The following CLNK variants were observed in gnomAD, a reference collection of about 807,000 sequenced individuals.
The protein encoded by CLNK is cytokine-dependent hematopoietic cell linker.
In CLNK, 74 loss-of-function variants were observed where a neutral mutation model predicts 68.6. The ratio of observed to expected loss-of-function variants is 1.08; its 90% confidence interval spans 0.89 to 1.31. CLNK has a LOEUF of 1.31. Ranked by LOEUF, CLNK falls within the 50% of genes most tolerant of loss-of-function variation. CLNK has a pLI of 0.00. For missense variants in CLNK, 553 were observed against 515.3 expected (o/e 1.07, Z -0.71); for synonymous variants, 198 against 172.2 (o/e 1.15, Z -1.17).
intron 3 of CLNK, among the ~76,000 whole-genome samples, chr4:10,585,160 G>A (rs1720924666): frequency 6.6e-6 from 1 of 152,100 alleles, no homozygotes; most frequent in Non-Finnish European, 1.5e-5. Context: ...CTGGAAAATA[G>A]CATGTAGAAG....
At chr4:10,541,879 GTTT>G in intron 10 of CLNK, 140 bp downstream of exon 10, 1 of 554,368 alleles carries the variant, frequency 1.8e-6, no homozygotes. Flanking sequence ...TCTCATATTA[GTTT>G]TTTTTTTTTC....
At chr4:10,565,630 T>C (rs1223406193) in intron 6 of CLNK, among the ~76,000 whole-genome samples, 3 of 152,172 alleles carry the variant, frequency 2.0e-5, no homozygotes, top group Admixed American at 6.5e-5. Flanking sequence ...ATTTAACATT[T>C]CCCATGCTGC....
At chr4:10,533,858 A>G (rs1159856262) in intron 11 of CLNK, among the ~76,000 whole-genome samples, 2 of 152,376 alleles carry the variant, frequency 1.3e-5, no homozygotes, top group East Asian at 3.8e-4. Context: ...AGTGTTTAAG[A>G]TAAATTAAAA....
intron 3 of CLNK, among the ~76,000 whole-genome samples, chr4:10,588,717 T>C (rs1332558887): frequency 6.6e-6 from 1 of 152,210 alleles, no homozygotes; most frequent in Non-Finnish European, 1.5e-5. Flanking sequence ...GATATAAGTA[T>C]ATACTTGTGA....
chr4:10,650,758 C>A (rs1723696784), intron 2 of CLNK, among the ~76,000 whole-genome samples: 2 of 151,866 alleles, frequency 1.3e-5, no homozygotes, highest in Non-Finnish European at 2.9e-5. Context: ...AAAATGCAAT[C>A]CTCAATGGAA....
intron 12 of CLNK, among the ~76,000 whole-genome samples, chr4:10,529,419 A>G (rs535782879): frequency 6.6e-6 from 1 of 152,334 alleles, no homozygotes; most frequent in South Asian, 2.1e-4. Flanking sequence ...CCCTGAGCCC[A>G]GCTCTCCTGA....
the CLNK span, among the ~76,000 whole-genome samples, chr4:10,693,772 AG>A: frequency 5.9e-5 from 9 of 152,214 alleles, no homozygotes; most frequent in Non-Finnish European, 8.8e-5. Context: ...ACACATTTCT[AG>A]TTCCCTATCC....
intron 7 of CLNK, among the ~76,000 whole-genome samples, chr4:10,559,008 A>T (rs1219778267): frequency 6.6e-6 from 1 of 152,100 alleles, no homozygotes; most frequent in African/African-American, 2.4e-5. Context: ...TGAGGACGGG[A>T]CGACAACACG....
Position 10,676,046 on chromosome 4 carries a change from AGTGTGTGTGTGTGT to A in CLNK, c.-42-8149_-42-8136del, listed in dbSNP as rs34091285. ...TATATTTGGAGAAGAGAGCCAGAAG[AGTGTGTGTGTGTGT>A]GTGTGTGTGTGTGTGTGTCTATGTG... On this transcript the variant is annotated intron_variant, in intron 1 of 18. Transcript: ENST00000226951. Among the ~76,000 whole-genome samples, 144 of 148,814 alleles carry A rather than the reference AGTGTGTGTGTGTGT, an allele frequency of 9.7e-4. 1 individual carries two copies. The highest frequency in any genetic ancestry group is 3.3e-3 in the African/African-American group (134 of 40,440).
chr4:10,501,484 A>G, intron 17 of CLNK, 73 bp from the exon 18 acceptor site: 1 of 1,438,108 alleles, frequency 7.0e-7, no homozygotes, highest in Non-Finnish European at 9.5e-7. Context: ...GGCAACAATG[A>G]TGTCTGCATG....
the CLNK span, among the ~76,000 whole-genome samples, chr4:10,699,278 C>CACACCACGTATGTGTGTATACACA: frequency 1.6e-3 from 162 of 101,042 alleles, 17 homozygotes; most frequent in African/African-American, 6.3e-3. Context: ...CACACACACA[C>CACACCACGTATGTGTGTATACACA]CACATACGTG....
chr4:10,561,451 T>A (rs532396212), intron 7 of CLNK, among the ~76,000 whole-genome samples: 4 of 152,240 alleles, frequency 2.6e-5, no homozygotes, highest in Non-Finnish European at 5.9e-5. Flanking sequence ...CTGGCATAGT[T>A]GTTTTTTAAA....
At position 10,537,818 on chromosome 4, in the gene CLNK, T is replaced by G. The variant is rs941006597; in HGVS notation, c.602+2676A>C. ...GTTTGTTCTTTCTTTTCTTTTCTTC[T>G]TCTTTTCCTGTGCTGTGACGGATAT... On this transcript the variant is annotated intron_variant, in intron 11 of 18. Coordinates refer to ENST00000226951, the MANE Select transcript of CLNK (RefSeq NM_052964.4). 4.0e-5 allele frequency among the ~76,000 whole-genome samples: 6 copies of G among 150,948 alleles called. No individual in the cohort carries two copies. The East Asian group carries it at 7.8e-4, about 20-fold the overall frequency.
At chr4:10,677,761 A>T (rs577862230) in intron 1 of CLNK, among the ~76,000 whole-genome samples, 133 of 152,170 alleles carry the variant, frequency 8.7e-4, no homozygotes, top group Admixed American at 2.7e-3. Flanking sequence ...GAGTCAATTA[A>T]ACCTCTTTCC....
intron 3 of CLNK, among the ~76,000 whole-genome samples, chr4:10,591,086 C>T (rs867803532): frequency 2.6e-5 from 4 of 152,248 alleles, no homozygotes; most frequent in Middle Eastern, 3.4e-3. Flanking sequence ...TTTGGAAATG[C>T]ACAGTGTGCT....
chr4:10,604,342 C>T (rs145246032), intron 2 of CLNK, among the ~76,000 whole-genome samples: 2 of 152,296 alleles, frequency 1.3e-5, no homozygotes, highest in African/African-American at 4.8e-5. Flanking sequence ...GATCGATGTC[C>T]ATTTTGTTCA....
intron 16 of CLNK, 52 bp downstream of exon 16, chr4:10,513,412 A>G (rs1717684089): frequency 2.6e-6 from 4 of 1,560,124 alleles, no homozygotes; most frequent in Non-Finnish European, 2.6e-6. Flanking sequence ...GGAAAGCTCT[A>G]TTTAGATGCC....
intron 14 of CLNK, 43 bp from the exon 15 acceptor site, chr4:10,520,874 C>T (rs750922167): frequency 2.2e-5 from 33 of 1,470,064 alleles, no homozygotes; most frequent in Non-Finnish European, 3.0e-5. Flanking sequence ...TTAGTATTTC[C>T]CCTTGGTGGT....
chr4:10,568,939 T>C (rs146864643), intron 5 of CLNK, among the ~76,000 whole-genome samples: 105 of 152,368 alleles, frequency 6.9e-4, no homozygotes, highest in African/African-American at 2.4e-3. Flanking sequence ...TTTGGGTCTT[T>C]ACTGTGAAGG....
Sources: allele counts gnomAD v4.1 joint callset (sites outside exome capture counted in the v4.1 genomes callset), GRCh38; gene constraint gnomAD v4.1.1; transcripts MANE v1.5; gene names NCBI Gene and HGNC (gene_info 2026-07-23, HGNC 2026-07-21).